The following ERBB4 variants were observed in gnomAD, a reference collection of about 807,000 sequenced individuals.
ERBB4 encodes receptor tyrosine-protein kinase erbB-4.
Under a neutral mutation model 158.0 loss-of-function variants are expected in ERBB4, and 42 were observed. That is an observed-to-expected ratio of 0.27 (90% CI 0.21 to 0.34). The LOEUF (loss-of-function observed/expected upper bound fraction) is 0.34, where lower values mean the gene tolerates loss of function less well. Ranked by LOEUF, ERBB4 falls within the 10% of genes least tolerant of loss-of-function variation. ERBB4 has a pLI of 1.00. For synonymous variants in ERBB4, 583 were observed against 558.7 expected, an observed-to-expected ratio of 1.04 and a Z score of -0.61; for missense variants, 1,333 against 1,624.1, an observed-to-expected ratio of 0.82 and a Z score of 3.08.
chr2:211,445,376 A>C (rs2125462516), intron 20 of ERBB4, among the ~76,000 whole-genome samples: 1 of 152,272 alleles, frequency 6.6e-6, no homozygotes, highest in Non-Finnish European at 1.5e-5. Flanking sequence ...CTTACCAATG[A>C]GGTTAAACCA....
At chr2:211,636,936 A>G (rs765367202) in intron 16 of ERBB4, among the ~76,000 whole-genome samples, 1 of 151,908 alleles carries the variant, frequency 6.6e-6, no homozygotes, top group African/African-American at 2.4e-5. Flanking sequence ...CATTCACACG[A>G]AAGTGTCTTA....
rs1035547828 is a variant in ERBB4 at position 212,178,806 on chromosome 2, G to A, written c.83-53903C>T. Among the ~76,000 whole-genome samples the A allele has an allele frequency of 9.9e-5, 15 of 151,198 alleles. No homozygotes were observed. In the South Asian group the frequency reaches 2.1e-3, roughly 21 times the overall value. On this transcript the variant is annotated intron_variant, in intron 1 of 27. Coordinates refer to ENST00000342788, the MANE Select transcript of ERBB4 (RefSeq NM_005235.3). ...TTATGATGGAAGACTCTCCTCCATC[G>A]CCAAAACATTACAATAATTTAAAAA... is the stretch of plus-strand genomic sequence containing the variant.
chr2:211,700,451 T>C (rs367655279), intron 12 of ERBB4, among the ~76,000 whole-genome samples: 3 of 152,226 alleles, frequency 2.0e-5, no homozygotes, highest in Admixed American at 6.5e-5. Context: ...AGTTCACTCT[T>C]AGCAGGAACC....
chr2:212,454,113 G>T (rs1688150856), intron 1 of ERBB4, among the ~76,000 whole-genome samples: 1 of 151,694 alleles, frequency 6.6e-6, no homozygotes, highest in Non-Finnish European at 1.5e-5. Flanking sequence ...GCTAATTTTT[G>T]TATTTTTAGT....
intron 2 of ERBB4, among the ~76,000 whole-genome samples, chr2:212,039,874 G>A (rs2077097776): frequency 6.6e-6 from 1 of 152,038 alleles, no homozygotes; most frequent in African/African-American, 2.4e-5. Context: ...AAAGAAAAAA[G>A]GAGGAATCCA....
chr2:211,577,584 C>T (rs1355873320), intron 19 of ERBB4, among the ~76,000 whole-genome samples: 2 of 152,006 alleles, frequency 1.3e-5, no homozygotes, highest in African/African-American at 4.8e-5. Flanking sequence ...CAAACTGAAT[C>T]CAGAAGCAAA....
intron 20 of ERBB4, among the ~76,000 whole-genome samples, chr2:211,542,007 T>G (rs2066822889): frequency 6.6e-6 from 1 of 151,220 alleles, no homozygotes; most frequent in South Asian, 2.1e-4. Context: ...GGGTCCACAT[T>G]TTTTTTATTG....
intron 19 of ERBB4, among the ~76,000 whole-genome samples, chr2:211,606,887 T>C (rs2069001523): frequency 6.6e-6 from 1 of 152,134 alleles, no homozygotes; most frequent in South Asian, 2.1e-4. Context: ...GAAAAACCTT[T>C]TCTGATGTTA....
Position 212,310,649 on chromosome 2 carries a change from A to G in ERBB4, c.83-185746T>C, listed in dbSNP as rs547949397. Among the ~76,000 whole-genome samples the G allele has an allele frequency of 2.7e-3, 402 of 147,642 alleles. 1 individual carries two copies. The highest frequency in any genetic ancestry group is 9.3e-3 in the African/African-American group (375 of 40,470). On this transcript the variant is annotated intron_variant, in intron 1 of 27. Transcript: ENST00000342788. ...TGTGTGTGTGTGTGTGTGTGTATAT[A>G]TATATATTCCAGAAGTTTATAGTCC... is the stretch of plus-strand genomic sequence containing the variant.
Position 212,204,341 on chromosome 2 carries a change from T to G in ERBB4, c.83-79438A>C, listed in dbSNP as rs2082673447. ...TATTTTGTTTTAAACTTAATGTGTC[T>G]TTTTTGCTTTCATTCTGTTTGCACA... On this transcript the variant is annotated intron_variant, in intron 1 of 27. Coordinates refer to ENST00000342788, the MANE Select transcript of ERBB4 (RefSeq NM_005235.3). 2.0e-5 allele frequency among the ~76,000 whole-genome samples: 3 copies of G among 152,188 alleles called. No homozygotes were observed. The South Asian group carries it at 6.2e-4, about 31-fold the overall frequency.
chr2:211,716,720 CAA>C (rs66511513), intron 7 of ERBB4, among the ~76,000 whole-genome samples: 9 of 150,096 alleles, frequency 6.0e-5, no homozygotes, highest in Admixed American at 1.3e-4. Context: ...CAAAAAAAAA[CAA>C]AAAAAAAAGA....
chr2:211,748,173 G>A (rs1028165667), intron 5 of ERBB4, among the ~76,000 whole-genome samples: 4 of 151,626 alleles, frequency 2.6e-5, no homozygotes, highest in Non-Finnish European at 5.9e-5. Context: ...CTGTAAAATC[G>A]ATACATATAA....
intron 19 of ERBB4, among the ~76,000 whole-genome samples, chr2:211,588,998 G>A (rs1372878416): frequency 6.6e-6 from 1 of 152,156 alleles, no homozygotes; most frequent in Non-Finnish European, 1.5e-5. Context: ...TTATGAGTAT[G>A]TGGAAAATAC....
At chr2:212,526,337 T>A (rs943248880) in intron 1 of ERBB4, among the ~76,000 whole-genome samples, 2 of 151,988 alleles carry the variant, frequency 1.3e-5, no homozygotes, top group Admixed American at 6.6e-5. Flanking sequence ...CAGAAAAAAA[T>A]AATGAATGCC....
intron 1 of ERBB4, among the ~76,000 whole-genome samples, chr2:212,188,234 C>CT (rs1443869832): frequency 0.02 from 488 of 24,098 alleles, 121 homozygotes; most frequent in African/African-American, 0.032. Context: ...CTCTCTCTCT[C>CT]CCCCCCCCTC....
At chr2:211,833,087 G>A (rs1025148862) in intron 3 of ERBB4, among the ~76,000 whole-genome samples, 1 of 151,954 alleles carries the variant, frequency 6.6e-6, no homozygotes, top group African/African-American at 2.4e-5. Flanking sequence ...AAAACTGCCT[G>A]GAACAGTGCC....
chr2:212,309,654 A>T (rs2086951549), intron 1 of ERBB4, among the ~76,000 whole-genome samples: 1 of 150,666 alleles, frequency 6.6e-6, no homozygotes, highest in East Asian at 2.0e-4. Context: ...CAATAACCAA[A>T]TAACAATCAA....
rs76696631 is a variant in ERBB4, at chr2:211,599,979, G to A, written c.2301+19198C>T. Among the ~76,000 whole-genome samples the A allele has an allele frequency of 4.0e-3, 609 of 152,154 alleles. 3 individuals carry two copies. The highest frequency in any genetic ancestry group is 0.014 in the African/African-American group (569 of 41,520). ...CTTGTCTTTCTTGTTTCCATGTGAGGATGACAAGATCATTTGCTTAAGGAG... is the reference window on the plus strand; with the variant it reads ...CTTGTCTTTCTTGTTTCCATGTGAGAATGACAAGATCATTTGCTTAAGGAG... On this transcript the variant is annotated intron_variant, in intron 19 of 27. Coordinates refer to ENST00000342788, the MANE Select transcript of ERBB4 (RefSeq NM_005235.3).
chr2:211,495,828 AATT>A lies in ERBB4; in HGVS notation c.2488-64731_2488-64729del, dbSNP rs959211568. Among the ~76,000 whole-genome samples the A allele has an allele frequency of 5.1e-4, 78 of 152,152 alleles. 2 individuals carry two copies. The highest frequency in any genetic ancestry group is 1.5e-3 in the African/African-American group (64 of 41,568). On this transcript the variant is annotated intron_variant, in intron 20 of 27. Coordinates refer to ENST00000342788, the MANE Select transcript of ERBB4 (RefSeq NM_005235.3). ...ATTTTAATTAATATACAGTATTAATAATTATTATTATAAATGTATACAATTACA... is the reference window on the plus strand; with the variant it reads ...ATTTTAATTAATATACAGTATTAATAATTATTATAAATGTATACAATTACA...
Sources: allele counts gnomAD v4.1 joint callset (sites outside exome capture counted in the v4.1 genomes callset), GRCh38; gene constraint gnomAD v4.1.1; transcripts MANE v1.5; gene names NCBI Gene and HGNC (gene_info 2026-07-23, HGNC 2026-07-21).